MOSMO: variants seen among roughly 807,000 people sequenced by gnomAD.
The protein encoded by MOSMO is modulator of smoothened, also known as modulator of smoothened protein.
In MOSMO, 5 loss-of-function variants were observed where a neutral mutation model predicts 18.4. That is an observed-to-expected ratio of 0.27 (90% CI 0.14 to 0.57). The LOEUF is 0.57. Ranked by LOEUF, MOSMO falls within the 20% of genes least tolerant of loss-of-function variation. The pLI is 0.92. For missense variants in MOSMO, 138 were observed against 211.8 expected, an observed-to-expected ratio of 0.65 and a Z score of 2.16; for synonymous variants, 82 against 82.3, an observed-to-expected ratio of 1.00 and a Z score of 0.02.
intron 1 of MOSMO, among the ~76,000 whole-genome samples, chr16:22,062,330 A>C (rs533570007): frequency 2.6e-4 from 40 of 152,066 alleles, no homozygotes; most frequent in African/African-American, 9.6e-4. Context: ...TCTTATATTT[A>C]ATTTATTTAT....
intron 1 of MOSMO, among the ~76,000 whole-genome samples, chr16:22,013,447 A>G (rs1335809715): frequency 3.9e-5 from 6 of 152,124 alleles, no homozygotes; most frequent in Admixed American, 6.6e-5. Flanking sequence ...GCTTTGTACA[A>G]GCTTCTTAAT....
chr16:22,091,294 G>A (rs1047641430), downstream of MOSMO, among the ~76,000 whole-genome samples: 5 of 152,168 alleles, frequency 3.3e-5, no homozygotes, highest in African/African-American at 1.2e-4. Flanking sequence ...TTTTGAGCAC[G>A]TTGGTTGTTT....
At chr16:22,025,373 T>C (rs1335140179) in intron 1 of MOSMO, among the ~76,000 whole-genome samples, 2 of 152,162 alleles carry the variant, frequency 1.3e-5, no homozygotes, top group Admixed American at 6.5e-5. Flanking sequence ...ATAAATACTT[T>C]ATTGTAATAA....
At chr16:22,085,451 G>T (rs781091815), downstream of MOSMO, among the ~76,000 whole-genome samples, 1 of 152,090 alleles carries the variant, frequency 6.6e-6, no homozygotes, top group Admixed American at 6.5e-5. Flanking sequence ...TTTTTGGGGG[G>T]TTATTTTCTA....
At chr16:22,034,726 TTTTG>T (rs1050758830) in intron 1 of MOSMO, among the ~76,000 whole-genome samples, 1 of 150,556 alleles carries the variant, frequency 6.6e-6, no homozygotes, top group Non-Finnish European at 1.5e-5. Context: ...AAACTGTTTT[TTTTG>T]TTTGTTTTTT....
intron 1 of MOSMO, among the ~76,000 whole-genome samples, chr16:22,047,238 ATTT>A (rs770005970): frequency 9.0e-6 from 1 of 110,830 alleles, no homozygotes. Flanking sequence ...ATGCACCATA[ATTT>A]TTTTTTTTTT....
Position 22,008,193 on chromosome 16 carries a change from G to A in MOSMO, c.-109G>A. 1 of 339,342 alleles carries A rather than the reference G, an allele frequency of 2.9e-6. No individual in the cohort carries two copies. The highest frequency in any genetic ancestry group is 2.2e-5 in the African/African-American group (1 of 45,368). The allele number at this position is 339,342 out of a possible 1,614,324, so 21.0% of individuals were successfully genotyped here. The stretch of plus-strand genomic sequence containing the variant: ...AGCGGCGCGCGGGGGCCGAGGGGGC[G>A]CGAGGCAGCGGCGCGGGGACTCCGG... On this transcript the variant is annotated 5_prime_UTR_variant, in exon 1 of 3. Coordinates refer to ENST00000542527, the MANE Select transcript of MOSMO (RefSeq NM_001164579.2).
intron 1 of MOSMO, among the ~76,000 whole-genome samples, chr16:22,009,022 T>C (rs1386065946): frequency 2.0e-5 from 3 of 151,976 alleles, no homozygotes; most frequent in African/African-American, 7.3e-5. Context: ...GGAGAGCTGG[T>C]GGGGTTGGTG....
intron 1 of MOSMO, among the ~76,000 whole-genome samples, chr16:22,017,911 T>G (rs545507917): frequency 4.4e-4 from 67 of 152,312 alleles, no homozygotes; most frequent in Non-Finnish European, 7.9e-4. Context: ...GTTTGGGTGT[T>G]GCTATCAATG....
intron 1 of MOSMO, among the ~76,000 whole-genome samples, chr16:22,033,379 T>C (rs1348248948): frequency 6.6e-6 from 1 of 152,054 alleles, no homozygotes; most frequent in African/African-American, 2.4e-5. Context: ...AGTGTACAAG[T>C]CTTGTACTTT....
At position 22,041,158 on chromosome 16, in the gene MOSMO, A is replaced by C. The variant is rs191561638; in HGVS notation, c.106+32751A>C. 7.0e-4 allele frequency among the ~76,000 whole-genome samples: 107 copies of C among 152,314 alleles called. 1 individual carries two copies. Among genetic ancestry groups the C allele is most frequent in the Non-Finnish European group, 7.4e-5 (5 of 68,026 alleles). ...TAAATACAGTAATGAAGTGAAAGTC[A>C]TATTACAAAAGGTGTGAAGAATGAG... On this transcript the variant is annotated intron_variant, in intron 1 of 2. Transcript: ENST00000542527.
intron 1 of MOSMO, among the ~76,000 whole-genome samples, chr16:22,051,904 T>C (rs1702882673): frequency 6.6e-6 from 1 of 152,132 alleles, no homozygotes; most frequent in Admixed American, 6.6e-5. Flanking sequence ...CACTGCTTGG[T>C]GTGTGGGGGA....
chr16:22,074,961 A>G (rs534970660), intron 1 of MOSMO, among the ~76,000 whole-genome samples: 2 of 152,330 alleles, frequency 1.3e-5, no homozygotes, highest in Non-Finnish European at 2.9e-5. Context: ...TTTCATAAAC[A>G]TATTGCTTCT....
chr16:22,013,993 A>C (rs1899587920), intron 1 of MOSMO, among the ~76,000 whole-genome samples: 1 of 152,160 alleles, frequency 6.6e-6, no homozygotes, highest in Non-Finnish European at 1.5e-5. Flanking sequence ...TTTATTACTA[A>C]GAAAGAGGAT....
intron 2 of MOSMO, among the ~76,000 whole-genome samples, chr16:22,076,721 C>A (rs980514145): frequency 6.6e-6 from 1 of 152,132 alleles, no homozygotes; most frequent in Non-Finnish European, 1.5e-5. Flanking sequence ...TCCCTTGTAT[C>A]CCTATTAATG....
intron 1 of MOSMO, among the ~76,000 whole-genome samples, chr16:22,070,651 AC>A (rs1900830515): frequency 6.6e-6 from 1 of 151,888 alleles, no homozygotes; most frequent in South Asian, 2.1e-4. Flanking sequence ...TCTTTGATTT[AC>A]CTGTTCACTC....
chr16:22,075,702 A>C lies in MOSMO; in HGVS notation c.319+3A>C. 3 of 1,535,984 alleles carry C rather than the reference A, an allele frequency of 2.0e-6. No homozygotes were observed. Among genetic ancestry groups the C allele is most frequent in the Non-Finnish European group, 2.6e-6 (3 of 1,146,064 alleles). The stretch of plus-strand genomic sequence containing the variant: ...TCGATGGATAGCATTCACTGGAAGT[A>C]AGTAACCTGTGCTTACTAAATTTGT... On this transcript the variant is annotated splice_donor_region_variant and intron_variant, in intron 2 of 2. Coordinates refer to ENST00000542527, the MANE Select transcript of MOSMO (RefSeq NM_001164579.2).
At chr16:22,014,181 C>CAGT (rs951784883) in intron 1 of MOSMO, among the ~76,000 whole-genome samples, 31 of 152,148 alleles carry the variant, frequency 2.0e-4, no homozygotes, top group African/African-American at 7.2e-4. Context: ...CACATATGCC[C>CAGT]ATTTTCTCCT....
intron 1 of MOSMO, among the ~76,000 whole-genome samples, chr16:22,059,178 G>A (rs984149523): frequency 8.5e-5 from 13 of 152,250 alleles, no homozygotes; most frequent in African/African-American, 3.1e-4. Context: ...GGTAATATAA[G>A]TGATGTTTTC....
Sources: gnomAD v4.1 joint callset for allele counts (sites outside exome capture counted in the v4.1 genomes callset) on GRCh38, gnomAD v4.1.1 for gene constraint, MANE v1.5 for transcripts, NCBI Gene and HGNC (gene_info 2026-07-23, HGNC 2026-07-21) for gene names.